Variants in SRGAP1 observed in about 807,000 individuals in gnomAD.
SRGAP1 encodes SLIT-ROBO Rho GTPase-activating protein 1.
Under a neutral mutation model 121.9 loss-of-function variants are expected in SRGAP1, and 43 were observed. The ratio of observed to expected loss-of-function variants is 0.35; its 90% CI spans 0.28 to 0.46. The LOEUF is 0.46. SRGAP1 is among the 20% of genes least tolerant of loss of function. The pLI is 1.00. For synonymous variants in SRGAP1, 447 were observed against 485.4 expected (o/e 0.92, Z 1.04); for missense variants, 1,102 against 1,350.9 (o/e 0.82, Z 2.89).
At chr12:64,083,684 A>G (rs1424971357) in intron 10 of SRGAP1, among the ~76,000 whole-genome samples, 2 of 152,326 alleles carry the variant, frequency 1.3e-5, no homozygotes, top group South Asian at 2.1e-4. Flanking sequence ...TGAGATATAC[A>G]TCTATAAAAC....
chr12:64,059,664 C>A (rs1452634802), intron 6 of SRGAP1, among the ~76,000 whole-genome samples: 4 of 152,050 alleles, frequency 2.6e-5, no homozygotes, highest in African/African-American at 4.8e-5. Context: ...TCCTATCTTT[C>A]TTGAAAGATA....
chr12:63,955,630 G>A (rs2032440950), intron 1 of SRGAP1, among the ~76,000 whole-genome samples: 2 of 151,746 alleles, frequency 1.3e-5, no homozygotes, highest in Admixed American at 1.3e-4. Flanking sequence ...TCTCAATGTT[G>A]GTTTTCTTCA....
At chr12:63,856,616 ACT>A (rs992878345) in intron 1 of SRGAP1, among the ~76,000 whole-genome samples, 4 of 140,876 alleles carry the variant, frequency 2.8e-5, no homozygotes, top group African/African-American at 1.1e-4. Flanking sequence ...CATACGCAAA[ACT>A]CTATTTTTGG....
chr12:63,935,386 A>T (rs2031630897), intron 1 of SRGAP1, among the ~76,000 whole-genome samples: 1 of 152,184 alleles, frequency 6.6e-6, no homozygotes, highest in African/African-American at 2.4e-5. Flanking sequence ...ACTTACTCCA[A>T]CACTTTGAAA....
intron 15 of SRGAP1, among the ~76,000 whole-genome samples, chr12:64,103,367 G>A (rs547477968): frequency 6.6e-6 from 1 of 152,248 alleles, no homozygotes; most frequent in East Asian, 1.9e-4. Context: ...TCAAAATATA[G>A]CTTTTAGTGA....
At chr12:63,872,697 TG>T (rs1416020546) in intron 1 of SRGAP1, among the ~76,000 whole-genome samples, 2 of 152,250 alleles carry the variant, frequency 1.3e-5, no homozygotes, top group Non-Finnish European at 2.9e-5. Flanking sequence ...GACAGGGATT[TG>T]TTTTTTTATT....
intron 15 of SRGAP1, among the ~76,000 whole-genome samples, chr12:64,102,943 G>T (rs1470764276): frequency 6.6e-6 from 1 of 151,942 alleles, no homozygotes; most frequent in Non-Finnish European, 1.5e-5. Flanking sequence ...TGTGTAAATG[G>T]GTAAATTATA....
At chr12:63,855,524 A>G (rs1305485663) in intron 1 of SRGAP1, among the ~76,000 whole-genome samples, 1 of 112,752 alleles carries the variant, frequency 8.9e-6, no homozygotes, top group African/African-American at 3.6e-5. Flanking sequence ...GTCTCACTCT[A>G]TCAGCCAGGC....
rs2037111072 is a variant in SRGAP1, at chr12:64,150,821, G to A, written c.*8149G>A. 1 of 141,580 alleles carries A rather than the reference G, an allele frequency of 7.1e-6. No individual in the cohort carries two copies. The highest frequency in any genetic ancestry group is 1.6e-5 in the Non-Finnish European group (1 of 63,606). The allele number at this position is 141,580 out of a possible 1,614,324, so 8.8% of individuals were successfully genotyped here. ...ATAGTAGTACATGCCTATAGTACTA[G>A]GTACTTGGGAGGCTGAGGCAGGAAG... On this transcript the variant is annotated 3_prime_UTR_variant, in exon 22 of 22. Transcript: ENST00000355086.
At chr12:63,906,732 A>G (rs932985077) in intron 1 of SRGAP1, among the ~76,000 whole-genome samples, 2 of 152,240 alleles carry the variant, frequency 1.3e-5, no homozygotes, top group African/African-American at 4.8e-5. Context: ...ATGATGATAC[A>G]GAATTTCACA....
At chr12:64,067,402 C>A (rs530663064) in intron 8 of SRGAP1, among the ~76,000 whole-genome samples, 1 of 151,868 alleles carries the variant, frequency 6.6e-6, no homozygotes, top group Non-Finnish European at 1.5e-5. Context: ...AGAGCAGGAC[C>A]CTGTCTCTTA....
intron 6 of SRGAP1, among the ~76,000 whole-genome samples, chr12:64,047,266 T>C (rs1232768192): frequency 1.3e-5 from 2 of 152,170 alleles, no homozygotes; most frequent in Non-Finnish European, 2.9e-5. Flanking sequence ...TTAAGGCAAT[T>C]AGAGTGTGAA....
chr12:63,909,124 G>A lies in SRGAP1; in HGVS notation c.67+64241G>A, dbSNP rs530322246. ...AGGATGGTCCTGATCTCTTGACCTCGTGATCCACTCGCCTCAGCCTCCCAA... is the reference window on the plus strand; with the variant it reads ...AGGATGGTCCTGATCTCTTGACCTCATGATCCACTCGCCTCAGCCTCCCAA... On this transcript the variant is annotated intron_variant, in intron 1 of 21. Transcript: ENST00000355086. 1.2e-4 allele frequency among the ~76,000 whole-genome samples: 18 copies of A among 152,138 alleles called. No homozygotes were observed. The South Asian group carries it at 2.9e-3, about 25-fold the overall frequency.
At chr12:63,942,784 G>A (rs1349489568) in intron 1 of SRGAP1, among the ~76,000 whole-genome samples, 1 of 152,068 alleles carries the variant, frequency 6.6e-6, no homozygotes, top group Non-Finnish European at 1.5e-5. Context: ...GTCTCCCAGC[G>A]CAGACGCTTT....
intron 1 of SRGAP1, among the ~76,000 whole-genome samples, chr12:63,878,094 A>G (rs1471594667): frequency 6.6e-6 from 1 of 152,222 alleles, no homozygotes; most frequent in Non-Finnish European, 1.5e-5. Context: ...TTATCTAATA[A>G]CAACATTAGA....
intron 8 of SRGAP1, among the ~76,000 whole-genome samples, chr12:64,074,338 A>G (rs2035696127): frequency 6.6e-6 from 1 of 152,222 alleles, no homozygotes; most frequent in South Asian, 2.1e-4. Context: ...CCTTGTAGGT[A>G]TCAGTGGCTC....
chr12:63,942,959 C>T (rs2031918463), intron 1 of SRGAP1, among the ~76,000 whole-genome samples: 1 of 152,134 alleles, frequency 6.6e-6, no homozygotes, highest in Non-Finnish European at 1.5e-5. Context: ...AGAAAAGGGG[C>T]TCTTCAGAGT....
Position 63,844,996 on chromosome 12 carries a change from C to A in SRGAP1, c.67+113C>A. ...TGGGAGGAAGGTGGTGAGGGGACAGCTCGAGCCCTGTCTGAGCCACCTGGG... is the reference window on the plus strand; with the variant it reads ...TGGGAGGAAGGTGGTGAGGGGACAGATCGAGCCCTGTCTGAGCCACCTGGG... On this transcript the variant is annotated intron_variant, in intron 1 of 21. Transcript: ENST00000355086. This position sits in a 1 kb window ranked among gnomAD's most constrained non-coding sequence, Gnocchi z 4.3. 2 of 1,091,316 alleles carry A rather than the reference C, an allele frequency of 1.8e-6. No homozygotes were observed. The highest frequency in any genetic ancestry group is 2.8e-6 in the Non-Finnish European group (2 of 714,964). 67.6% of individuals were successfully genotyped at this position (1,091,316 alleles called of 1,614,324 possible). A position where few individuals can be genotyped will look rare whatever the true frequency, so the allele number is the denominator to read the frequency against.
rs142595703 is a variant in SRGAP1 at position 64,137,952 on chromosome 12, TAAA to T, written c.2881-4335_2881-4333del. Among the ~76,000 whole-genome samples, 573 of 138,976 alleles carry T rather than the reference TAAA, an allele frequency of 4.1e-3. 3 individuals are homozygous for T. The highest frequency in any genetic ancestry group is 0.015 in the African/African-American group (560 of 38,296). The allele number at this position is 138,976 out of a possible 152,430, so 91.2% of individuals were successfully genotyped here. On this transcript the variant is annotated intron_variant, in intron 21 of 21. Transcript: ENST00000355086. ...TGCCTTTTTCTTTCTTAATTGTGCT[TAAA>T]AAAAAAATATATATATATATATATA...
Sources: allele counts gnomAD v4.1 joint callset (sites outside exome capture counted in the v4.1 genomes callset), GRCh38; gene constraint gnomAD v4.1.1; non-coding constraint Gnocchi (gnomAD v3.1); transcripts MANE v1.5; gene names NCBI Gene and HGNC (gene_info 2026-07-23, HGNC 2026-07-21).